The following ADD3 variants were observed in gnomAD, a reference collection of about 807,000 sequenced individuals.
ADD3 encodes the protein gamma-adducin.
ADD3 carries 25 observed loss-of-function variants against 80.2 expected under a neutral mutation model. That is an observed-to-expected ratio of 0.31 (90% CI 0.23 to 0.44). The LOEUF is 0.44. Ranked by LOEUF, ADD3 falls within the 20% of genes least tolerant of loss-of-function variation. The pLI is 1.00. For missense variants in ADD3, 829 were observed against 847.5 expected (o/e 0.98, Z 0.27); for synonymous variants, 284 against 289.6 (o/e 0.98, Z 0.20).
At chr10:110,039,885 C>T (rs751689380) in intron 1 of ADD3, among the ~76,000 whole-genome samples, 2 of 152,212 alleles carry the variant, frequency 1.3e-5, no homozygotes, top group Non-Finnish European at 2.9e-5. Context: ...GCTAAGCAAG[C>T]CTCATCACAG....
rs779839017 is a variant in ADD3 at position 110,125,854 on chromosome 10, T to G, written c.1430T>G (p.Val477Gly). The G allele has an allele frequency of 1.2e-6, 2 of 1,607,474 alleles. No individual in the cohort carries two copies. Among genetic ancestry groups the G allele is most frequent in the Admixed American group, 3.3e-5 (2 of 59,760 alleles). ...TWMKAEDSSK[V>G]SGGTPIKIED... ...ATGAAAGCAGAAGACTCATCTAAAG[T>G]TAGTGGTGGAACACCTATCAAAATT... The change falls in exon 11 of 15, where the codon GTT (valine) becomes GGT (glycine). Residue 477 changes from valine (V) to glycine (G), a missense_variant. Transcript: ENST00000356080.
At chr10:110,002,242 C>A (rs912962920), upstream of ADD3, among the ~76,000 whole-genome samples, 1 of 152,022 alleles carries the variant, frequency 6.6e-6, no homozygotes, top group Non-Finnish European at 1.5e-5. Flanking sequence ...CAGTAAGACT[C>A]CGTTTCAAAC....
At chr10:110,088,289 A>G (rs1847059721) in intron 1 of ADD3, among the ~76,000 whole-genome samples, 1 of 152,222 alleles carries the variant, frequency 6.6e-6, no homozygotes, top group Non-Finnish European at 1.5e-5. Flanking sequence ...GATCTAAAAG[A>G]TGATACATTT....
At chr10:110,057,803 C>T (rs1016454765) in intron 1 of ADD3, among the ~76,000 whole-genome samples, 8 of 152,102 alleles carry the variant, frequency 5.3e-5, no homozygotes, top group African/African-American at 1.9e-4. Context: ...TTAAGAATCA[C>T]TGTAATTTAA....
intron 12 of ADD3, 89 bp downstream of exon 12, chr10:110,126,592 G>T (rs1483924084): frequency 2.2e-6 from 2 of 927,540 alleles, no homozygotes; most frequent in Non-Finnish European, 3.2e-6. Context: ...TTTTACTAAG[G>T]TTAATATAAG....
At chr10:110,100,334 AGT>A (rs1355200125) in intron 1 of ADD3, among the ~76,000 whole-genome samples, 2 of 136,020 alleles carry the variant, frequency 1.5e-5, no homozygotes, top group Non-Finnish European at 3.0e-5. Flanking sequence ...TGGGTGACAC[AGT>A]GAGACTCCAT....
At chr10:110,023,620 G>C (rs1853945531) in intron 1 of ADD3, among the ~76,000 whole-genome samples, 1 of 152,158 alleles carries the variant, frequency 6.6e-6, no homozygotes. Context: ...GAGAACACTT[G>C]TACTACTTAG....
At chr10:110,094,236 A>G (rs556954144) in intron 1 of ADD3, among the ~76,000 whole-genome samples, 5 of 152,108 alleles carry the variant, frequency 3.3e-5, no homozygotes, top group Non-Finnish European at 5.9e-5. Flanking sequence ...TTTCTTTCTT[A>G]TATTTCATTG....
At position 110,112,789 on chromosome 10, in the gene ADD3, G is replaced by A. The variant is rs1466479606; in HGVS notation, c.208G>A (p.Asp70Asn). The change falls in exon 3 of 15, where the codon GAC (aspartate) becomes AAC (asparagine). Residue 70 changes from aspartate (D) to asparagine (N), a missense_variant. By Grantham distance (23) the Asp-to-Asn change is conservative (BLOSUM62 1). Transcript: ENST00000356080. The stretch of plus-strand genomic sequence containing the variant: ...TTGTGTATTACAGGCCTTTCGGGAA[G>A]ACTTGGAATGCCTTATTCAAGAACA... ...QILQSPAFRE[D>N]LECLIQEQMK... 1 of 1,613,582 alleles carries A rather than the reference G, an allele frequency of 6.2e-7. No individual in the cohort carries two copies. The highest frequency in any genetic ancestry group is 1.7e-5 in the Admixed American group (1 of 59,870).
At chr10:110,016,120 C>T (rs763639539) in intron 1 of ADD3, among the ~76,000 whole-genome samples, 1 of 152,196 alleles carries the variant, frequency 6.6e-6, no homozygotes, top group Non-Finnish European at 1.5e-5. Context: ...GAGAGAACCC[C>T]TGCTTTGTGT....
At chr10:110,043,866 T>A (rs949291411) in intron 1 of ADD3, among the ~76,000 whole-genome samples, 1 of 152,148 alleles carries the variant, frequency 6.6e-6, no homozygotes, top group African/African-American at 2.4e-5. Context: ...GGAAATACTA[T>A]TTTTGGGTTG....
intron 5 of ADD3, among the ~76,000 whole-genome samples, chr10:110,117,841 C>G (rs368143165): frequency 1.3e-5 from 2 of 151,986 alleles, no homozygotes. Context: ...TGGTGAAACC[C>G]CATCTCTACT....
chr10:110,057,489 T>G (rs979556572), intron 1 of ADD3, among the ~76,000 whole-genome samples: 2 of 152,218 alleles, frequency 1.3e-5, no homozygotes, highest in African/African-American at 4.8e-5. Flanking sequence ...GATCTACTGG[T>G]ACTCAAACAT....
chr10:110,049,924 G>T (rs1471983503), intron 1 of ADD3, among the ~76,000 whole-genome samples: 1 of 151,980 alleles, frequency 6.6e-6, no homozygotes, highest in Non-Finnish European at 1.5e-5. Flanking sequence ...TGCCCTGTTG[G>T]ATTTTGGGAC....
At chr10:110,072,182 C>T (rs903449462) in intron 1 of ADD3, among the ~76,000 whole-genome samples, 1 of 152,232 alleles carries the variant, frequency 6.6e-6, no homozygotes, top group Non-Finnish European at 1.5e-5. Flanking sequence ...CTGCCTCAGC[C>T]TCCCGAGTAT....
intron 1 of ADD3, among the ~76,000 whole-genome samples, chr10:110,062,966 G>C (rs1859111593): frequency 6.6e-6 from 1 of 152,190 alleles, no homozygotes; most frequent in Non-Finnish European, 1.5e-5. Context: ...GATCTGTTCT[G>C]ATTATCTCTC....
intron 1 of ADD3, among the ~76,000 whole-genome samples, chr10:109,996,833 G>A (rs1465623961): frequency 1.3e-5 from 2 of 152,206 alleles, no homozygotes; most frequent in African/African-American, 2.4e-5. Context: ...TGTGACTGAT[G>A]TCAAGCCATG....
intron 6 of ADD3, 44 bp downstream of exon 6, chr10:110,118,780 T>A: frequency 6.3e-7 from 1 of 1,586,500 alleles, no homozygotes; most frequent in Non-Finnish European, 8.6e-7. Flanking sequence ...CTGGAAGATG[T>A]ATTATTTTTG....
chr10:110,055,912 A>C (rs567684108), intron 1 of ADD3, among the ~76,000 whole-genome samples: 1 of 152,248 alleles, frequency 6.6e-6, no homozygotes, highest in Non-Finnish European at 1.5e-5. Flanking sequence ...TCATTATACA[A>C]ATTTTCTCAA....
Sources: allele counts gnomAD v4.1 joint callset (sites outside exome capture counted in the v4.1 genomes callset), GRCh38; gene constraint gnomAD v4.1.1; transcripts MANE v1.5; gene names NCBI Gene and HGNC (gene_info 2026-07-23, HGNC 2026-07-21).